Variants in RMST observed in about 807,000 individuals in gnomAD.
RMST encodes rhabdomyosarcoma 2 associated transcript.
intron 11 of RMST, among the ~76,000 whole-genome samples, chr12:97,543,107 T>C (rs1882673348): frequency 6.6e-6 from 1 of 152,062 alleles, no homozygotes; most frequent in Non-Finnish European, 1.5e-5. Flanking sequence ...TACATACACA[T>C]TACATTTTAA....
At chr12:97,547,270 TTATC>T (rs897580860) in intron 11 of RMST, among the ~76,000 whole-genome samples, 62 of 151,796 alleles carry the variant, frequency 4.1e-4, no homozygotes, top group African/African-American at 1.4e-3. Flanking sequence ...CACATTTTCT[TTATC>T]CATCCATCTG....
chr12:97,473,487 T>C (rs1874176563), intron 5 of RMST, among the ~76,000 whole-genome samples: 1 of 152,146 alleles, frequency 6.6e-6, no homozygotes, highest in Admixed American at 6.5e-5. Flanking sequence ...AAAAATAGTT[T>C]ACATCATTGC....
chr12:97,477,758 T>G (rs1874728727), intron 5 of RMST, among the ~76,000 whole-genome samples: 1 of 152,222 alleles, frequency 6.6e-6, no homozygotes, highest in African/African-American at 2.4e-5. Context: ...GTTATTTCTT[T>G]GCACTGTGAT....
chr12:97,498,955 C>G (rs1163340733), intron 10 of RMST, among the ~76,000 whole-genome samples: 2 of 152,168 alleles, frequency 1.3e-5, no homozygotes, highest in African/African-American at 4.8e-5. Context: ...TGATCTACCC[C>G]TGGCCTTCAG....
chr12:97,558,800 G>A (rs1276765973), intron 11 of RMST, among the ~76,000 whole-genome samples: 1 of 152,102 alleles, frequency 6.6e-6, no homozygotes, highest in Non-Finnish European at 1.5e-5. Flanking sequence ...GGCTTTTTGT[G>A]TTGCCACAGC....
intron 10 of RMST, among the ~76,000 whole-genome samples, chr12:97,505,836 C>T (rs1043655529): frequency 3.3e-5 from 5 of 152,064 alleles, no homozygotes; most frequent in Admixed American, 6.6e-5. Context: ...CAAAAAAATT[C>T]AAGATTTCAA....
chr12:97,478,539 T>C (rs1391751117), intron 5 of RMST, among the ~76,000 whole-genome samples: 1 of 152,188 alleles, frequency 6.6e-6, no homozygotes, highest in East Asian at 1.9e-4. Flanking sequence ...CTTTAACTTA[T>C]GGTGTACTGT....
chr12:97,520,598 T>C (rs1880413252), intron 10 of RMST, among the ~76,000 whole-genome samples: 1 of 152,184 alleles, frequency 6.6e-6, no homozygotes, highest in Admixed American at 6.5e-5. Flanking sequence ...TCTTGGCCTT[T>C]TATTTTTCTT....
intron 10 of RMST, among the ~76,000 whole-genome samples, chr12:97,504,113 C>T (rs1177222764): frequency 4.6e-5 from 7 of 152,000 alleles, no homozygotes; most frequent in Admixed American, 6.6e-5. Context: ...CAGGCGGTCT[C>T]GGACTCCTGG....
intron 5 of RMST, among the ~76,000 whole-genome samples, chr12:97,488,698 C>T (rs567654541): frequency 7.2e-5 from 11 of 152,242 alleles, no homozygotes; most frequent in East Asian, 3.9e-4. Flanking sequence ...GGGGTTTTCA[C>T]GCTGTCTCTG....
chr12:97,483,952 T>G (rs542095273), intron 5 of RMST, among the ~76,000 whole-genome samples: 8 of 152,310 alleles, frequency 5.3e-5, no homozygotes, highest in African/African-American at 1.4e-4. Flanking sequence ...GCCCTTTATA[T>G]AACCATTTTA....
At chr12:97,551,734 A>T (rs1883325374) in intron 11 of RMST, 1 of 152,176 alleles carries the variant, frequency 6.6e-6, no homozygotes, top group African/African-American at 2.4e-5. Context: ...GTTATGCTTC[A>T]TATCACCCAC....
At chr12:97,518,229 C>T (rs1387339703) in intron 10 of RMST, among the ~76,000 whole-genome samples, 2 of 151,950 alleles carry the variant, frequency 1.3e-5, no homozygotes, top group Admixed American at 1.3e-4. Context: ...AATACTGATA[C>T]ATAGAAAAAT....
chr12:97,503,039 G>C (rs1305515273), intron 10 of RMST, among the ~76,000 whole-genome samples: 4 of 152,138 alleles, frequency 2.6e-5, no homozygotes, highest in African/African-American at 9.6e-5. Flanking sequence ...TTGTGTCTGG[G>C]CAATAGCTAA....
chr12:97,487,536 A>C (rs1001415558), intron 5 of RMST, among the ~76,000 whole-genome samples: 3 of 152,200 alleles, frequency 2.0e-5, no homozygotes, highest in Non-Finnish European at 4.4e-5. Flanking sequence ...CGTTTGATGG[A>C]CCTCAAGCAG....
At chr12:97,477,853 C>T (rs1319137202) in intron 5 of RMST, among the ~76,000 whole-genome samples, 1 of 152,124 alleles carries the variant, frequency 6.6e-6, no homozygotes, top group Non-Finnish European at 1.5e-5. Flanking sequence ...GTGTAGTTCC[C>T]CTCTGCCAGT....
chr12:97,525,085 G>C (rs1880950605), intron 10 of RMST, among the ~76,000 whole-genome samples: 1 of 152,148 alleles, frequency 6.6e-6, no homozygotes, highest in Non-Finnish European at 1.5e-5. Flanking sequence ...TGTAACATGG[G>C]GAAAGGACTC....
At chr12:97,468,458 T>A (rs1175429164) in intron 5 of RMST, among the ~76,000 whole-genome samples, 1 of 152,050 alleles carries the variant, frequency 6.6e-6, no homozygotes, top group Non-Finnish European at 1.5e-5. Context: ...GCATCCTTAC[T>A]AATATCTCTA....
At chr12:97,529,927 G>A (rs1881481536) in intron 10 of RMST, among the ~76,000 whole-genome samples, 1 of 152,036 alleles carries the variant, frequency 6.6e-6, no homozygotes. Context: ...ATTTTTAGCT[G>A]ACATGCCTAA....
Sources: gnomAD v4.1 joint callset for allele counts (sites outside exome capture counted in the v4.1 genomes callset) on GRCh38, gnomAD v4.1.1 for gene constraint, MANE v1.5 for transcripts, NCBI Gene and HGNC (gene_info 2026-07-23, HGNC 2026-07-21) for gene names.